The following LARGE1 variants were observed in gnomAD, a reference collection of about 807,000 sequenced individuals.
The protein encoded by LARGE1 is xylosyl- and glucuronyltransferase LARGE1.
Under a neutral mutation model 87.6 loss-of-function variants are expected in LARGE1, and 43 were observed. That is an observed-to-expected ratio of 0.49 (90% CI 0.38 to 0.63). LARGE1 has a LOEUF of 0.63. Among genes scored for constraint, LARGE1 ranks in the 30% least tolerant of loss-of-function variants. LARGE1 has a pLI of 0.00. For synonymous variants in LARGE1, 434 were observed against 394.6 expected (o/e 1.10, Z -1.18); for missense variants, 802 against 1,000.2 (o/e 0.80, Z 2.67).
intron 10 of LARGE1, among the ~76,000 whole-genome samples, chr22:33,336,402 G>A (rs950171243): frequency 2.0e-5 from 3 of 152,038 alleles, no homozygotes; most frequent in Non-Finnish European, 4.4e-5. Context: ...GTTTCACCAT[G>A]TTAGCCAGGC....
At chr22:33,199,205 G>T (rs1602080908) in intron 11 of LARGE1, among the ~76,000 whole-genome samples, 1 of 98,988 alleles carries the variant, frequency 1.0e-5, no homozygotes, top group Non-Finnish European at 2.3e-5. Context: ...GCTGTTTGAG[G>T]TTTTTTTTTT....
At chr22:33,385,398 C>T (rs2065287872) in intron 7 of LARGE1, among the ~76,000 whole-genome samples, 1 of 146,764 alleles carries the variant, frequency 6.8e-6, no homozygotes, top group Admixed American at 6.8e-5. Flanking sequence ...TGTGGTGGTG[C>T]ATGCCTGTGA....
At chr22:33,601,666 C>G (rs1301480005) in intron 5 of LARGE1, among the ~76,000 whole-genome samples, 1 of 152,036 alleles carries the variant, frequency 6.6e-6, no homozygotes, top group South Asian at 2.1e-4. Flanking sequence ...GTGAGAGAGA[C>G]AGGTGGTTAA....
At chr22:33,382,733 G>A (rs60435865) in intron 8 of LARGE1, among the ~76,000 whole-genome samples, 32,283 of 151,992 alleles carry the variant, frequency 0.21, 4,583 homozygotes, top group African/African-American at 0.39. Flanking sequence ...GAAGATGGCT[G>A]AATAAACTAT....
the LARGE1 span, among the ~76,000 whole-genome samples, chr22:33,103,251 G>A: frequency 6.6e-6 from 1 of 151,856 alleles, no homozygotes; most frequent in Non-Finnish European, 1.5e-5. Context: ...GGCTAACAAG[G>A]TGAAACTCCA....
At chr22:33,400,625 G>C (rs1488081934) in intron 7 of LARGE1, among the ~76,000 whole-genome samples, 1 of 152,186 alleles carries the variant, frequency 6.6e-6, no homozygotes, top group Non-Finnish European at 1.5e-5. Context: ...GTGGATGGCC[G>C]AGCAGCTCTG....
chr22:33,259,892 G>C (rs1460230550), intron 11 of LARGE1, among the ~76,000 whole-genome samples: 2 of 152,102 alleles, frequency 1.3e-5, no homozygotes, highest in African/African-American at 4.8e-5. Context: ...TTGACATCTG[G>C]GGTCTTGCTG....
intron 2 of LARGE1, among the ~76,000 whole-genome samples, chr22:33,665,765 G>A (rs1325960200): frequency 2.0e-5 from 3 of 151,988 alleles, no homozygotes; most frequent in South Asian, 2.1e-4. Flanking sequence ...GGTGGTGGGC[G>A]CCTGTAGTCC....
intron 7 of LARGE1, among the ~76,000 whole-genome samples, chr22:33,404,622 G>C (rs973588030): frequency 6.6e-6 from 1 of 152,204 alleles, no homozygotes; most frequent in Non-Finnish European, 1.5e-5. Context: ...AATTGGATTA[G>C]CGAGGTGTGC....
chr22:33,662,566 C>T (rs934046679), intron 2 of LARGE1, among the ~76,000 whole-genome samples: 7 of 151,902 alleles, frequency 4.6e-5, no homozygotes, highest in Admixed American at 2.0e-4. Context: ...GTTCACTCTT[C>T]GATAGTGGAA....
chr22:33,342,034 G>A (rs577857795), intron 9 of LARGE1, among the ~76,000 whole-genome samples: 5 of 152,198 alleles, frequency 3.3e-5, no homozygotes, highest in Admixed American at 6.5e-5. Flanking sequence ...AGGGACGTAT[G>A]AGTGTGCAAT....
chr22:33,714,814 G>A (rs935861096), intron 2 of LARGE1, among the ~76,000 whole-genome samples: 1 of 152,208 alleles, frequency 6.6e-6, no homozygotes. Flanking sequence ...TCCAATCTAC[G>A]CCATCTCAGG....
chr22:33,810,466 C>G (rs2086457301), intron 1 of LARGE1, among the ~76,000 whole-genome samples: 1 of 152,196 alleles, frequency 6.6e-6, no homozygotes, highest in Non-Finnish European at 1.5e-5. Flanking sequence ...CAAATATCAG[C>G]TCTTCAGCTC....
At chr22:33,239,003 A>T (rs891792339) in intron 11 of LARGE1, among the ~76,000 whole-genome samples, 18 of 152,260 alleles carry the variant, frequency 1.2e-4, no homozygotes, top group Non-Finnish European at 2.1e-4. Flanking sequence ...ATAGAAAAAA[A>T]ATAAGATCAA....
chr22:33,616,646 A>T (rs1011483828), intron 4 of LARGE1, among the ~76,000 whole-genome samples: 1 of 152,246 alleles, frequency 6.6e-6, no homozygotes, highest in South Asian at 2.1e-4. Flanking sequence ...AAATAAATGA[A>T]GAACTGATAC....
intron 11 of LARGE1, among the ~76,000 whole-genome samples, chr22:33,196,128 T>TTAA (rs557422908): frequency 3.9e-5 from 4 of 103,106 alleles, no homozygotes; most frequent in South Asian, 6.0e-4. Context: ...CAAAGTAAAT[T>TTAA]AAAAAAAAAA....
At chr22:33,902,491 G>T (rs1173891897) in intron 1 of LARGE1, among the ~76,000 whole-genome samples, 2 of 152,168 alleles carry the variant, frequency 1.3e-5, no homozygotes, top group Non-Finnish European at 2.9e-5. Flanking sequence ...GAAAGGTCCA[G>T]ATTCTCACTA....
chr22:33,089,413 TACTTCTTCTTCC>T, the LARGE1 span, among the ~76,000 whole-genome samples: 1 of 116,968 alleles, frequency 8.5e-6, no homozygotes, highest in African/African-American at 3.9e-5. Flanking sequence ...CTTCTTCTTC[TACTTCTTCTTCC>T]TCTTCCTCTT....
intron 6 of LARGE1, among the ~76,000 whole-genome samples, chr22:33,552,723 T>C (rs991660337): frequency 6.6e-6 from 1 of 152,226 alleles, no homozygotes; most frequent in African/African-American, 2.4e-5. Context: ...TTGTACGATA[T>C]ATCAAAACAT....
Sources: gnomAD v4.1 joint callset for allele counts (sites outside exome capture counted in the v4.1 genomes callset) on GRCh38, gnomAD v4.1.1 for gene constraint, MANE v1.5 for transcripts, NCBI Gene and HGNC (gene_info 2026-07-23, HGNC 2026-07-21) for gene names.